The following ACAP1 variants were observed in gnomAD, a reference collection of about 807,000 sequenced individuals.
ACAP1 encodes the protein arf-GAP with coiled-coil, ANK repeat and PH domain-containing protein 1.
A neutral mutation model predicts 98.8 loss-of-function variants in ACAP1; 45 were observed. The ratio of observed to expected loss-of-function variants is 0.46; its 90% CI spans 0.36 to 0.58. ACAP1 has a LOEUF of 0.58. Ranked by LOEUF, ACAP1 falls within the 20% of genes least tolerant of loss-of-function variation. The pLI is 0.00. For missense variants in ACAP1, 735 were observed against 971.4 expected (o/e 0.76, Z 3.24); for synonymous variants, 362 against 375.3 (o/e 0.96, Z 0.41).
chr17:7,347,550 A>T (rs559286013), intron 14 of ACAP1: 1 of 506,416 alleles, frequency 2.0e-6, no homozygotes, highest in African/African-American at 1.9e-5. Context: ...TAGGCAGAGA[A>T]ACGGTCATGA....
chr17:7,347,643 A>C (rs1424958228), intron 14 of ACAP1: 2 of 564,264 alleles, frequency 3.5e-6, no homozygotes, highest in Admixed American at 6.2e-5. Context: ...GTCCAGGCCA[A>C]AGTGTCACAA....
Position 7,343,483 on chromosome 17 carries a change from A to T in ACAP1, c.449A>T (p.Gln150Leu), listed in dbSNP as rs1440662246. 1 of 1,614,126 alleles carries T rather than the reference A, an allele frequency of 6.2e-7. No individual in the cohort carries two copies. Among genetic ancestry groups the T allele is most frequent in the South Asian group, 1.1e-5 (1 of 91,078 alleles). Reference protein sequence around the residue: ...HNAEVPRRRAQEAEEAGAALR... With the variant: ...HNAEVPRRRALEAEEAGAALR... ...GCAGAGGTTCCCAGGCGCCGGGCCC[A>T]GGAGGCAGAAGAGGCAGGAGCTGCT... Residue 150 changes from glutamine to leucine, a missense_variant, in exon 6 of 22, where the codon CAG becomes CTG. This residue lies in a region of ACAP1 where 430 missense variants were observed against 531.8 expected (regional missense o/e 0.81). Coordinates refer to ENST00000158762, the MANE Select transcript of ACAP1 (RefSeq NM_014716.4). This position sits in a 1 kb window ranked among gnomAD's most constrained non-coding sequence, Gnocchi z 4.9.
intron 2 of ACAP1, among the ~76,000 whole-genome samples, chr17:7,340,720 C>A (rs190505896): frequency 6.6e-6 from 1 of 152,252 alleles, no homozygotes; most frequent in Admixed American, 6.5e-5. Flanking sequence ...GTGGCGGGCA[C>A]CTGTAATCCC....
intron 2 of ACAP1, among the ~76,000 whole-genome samples, chr17:7,341,267 T>C (rs954963514): frequency 3.9e-5 from 6 of 152,194 alleles, no homozygotes; most frequent in African/African-American, 1.2e-4. Flanking sequence ...CCTCCTGCCT[T>C]AGCCCCCCAG....
chr17:7,349,207 C>G, intron 18 of ACAP1, 40 bp downstream of exon 18: 4 of 1,606,910 alleles, frequency 2.5e-6, no homozygotes, highest in Non-Finnish European at 3.4e-6. Flanking sequence ...CCCTAGGGCT[C>G]TGACACCTAC....
intron 5 of ACAP1, 73 bp downstream of exon 5, chr17:7,342,547 C>CT: frequency 6.5e-7 from 1 of 1,530,674 alleles, no homozygotes; most frequent in Non-Finnish European, 9.0e-7. Context: ...GGGAGGATTG[C>CT]TTGAGCCCAG....
chr17:7,346,935 C>A lies in ACAP1; in HGVS notation c.1131+4C>A, dbSNP rs748077029. On this transcript the variant is annotated splice_donor_region_variant and intron_variant, in intron 13 of 21. Coordinates refer to ENST00000158762, the MANE Select transcript of ACAP1 (RefSeq NM_014716.4). The stretch of plus-strand genomic sequence containing the variant: ...CAGCCCCCGGGGTCCAGGCCAGGTA[C>A]CTTAACCTGGGGGTGCGGAGCCAGG... The A allele has an allele frequency of 6.8e-6, 11 of 1,608,584 alleles. No individual in the cohort carries two copies. The South Asian group carries it at 1.2e-4, about 18-fold the overall frequency.
rs1469512066 is a variant in ACAP1 at position 7,336,707 on chromosome 17, CCG to C, written c.-26_-25del. The C allele has an allele frequency of 6.2e-7, 1 of 1,613,662 alleles. No individual in the cohort carries two copies. Among genetic ancestry groups the C allele is most frequent in the South Asian group, 1.1e-5 (1 of 91,078 alleles). On this transcript the variant is annotated 5_prime_UTR_variant, in exon 1 of 22. Coordinates refer to ENST00000158762, the MANE Select transcript of ACAP1 (RefSeq NM_014716.4). ...TCCCCAGGGGCCCGGCCTCCAGGGCCCGCTGGCCCCACAGCAGGCAAGCTGAG... is the reference window on the plus strand; with the variant it reads ...TCCCCAGGGGCCCGGCCTCCAGGGCCCTGGCCCCACAGCAGGCAAGCTGAG...
chr17:7,348,330 C>T lies in ACAP1; in HGVS notation c.1533C>T (p.His511=), dbSNP rs141471782. 57 of 1,575,778 alleles carry T rather than the reference C, an allele frequency of 3.6e-5. No individual in the cohort carries two copies. The highest frequency in any genetic ancestry group is 1.8e-4 in the African/African-American group (13 of 73,410). The change falls in exon 17 of 22, where the codon CAC becomes CAT. Residue 511 remains histidine, a synonymous_variant. Transcript: ENST00000158762. The part of the protein sequence containing the change: ...CSRQEKEAWI[H]AKYVEKKFLT... ...GGCAGGAGAAGGAGGCCTGGATTCACGCTAAATACGTGGAGAAGAAGTTCC... is the reference window on the plus strand; with the variant it reads ...GGCAGGAGAAGGAGGCCTGGATTCATGCTAAATACGTGGAGAAGAAGTTCC...
rs750896166 is a variant in ACAP1, at chr17:7,351,290, C to G, written c.2123-5C>G. 2.5e-6 allele frequency: 4 copies of G among 1,611,082 alleles called. No homozygotes were observed. Among genetic ancestry groups the G allele is most frequent in the Non-Finnish European group, 2.5e-6 (3 of 1,178,012 alleles). The stretch of plus-strand genomic sequence containing the variant: ...CCGCCTCCCGGCCTTTCCTCCCTCC[C>G]CCAGGAGATGAGACGTATCTTGACA... On this transcript the variant is annotated splice_region_variant and splice_polypyrimidine_tract_variant and intron_variant, in intron 21 of 21. Coordinates refer to ENST00000158762, the MANE Select transcript of ACAP1 (RefSeq NM_014716.4).
In ACAP1 at chr17:7,346,929, C is replaced by A. The variant is rs1454278299; in HGVS notation, c.1129C>A (p.Gln377Lys). 5 of 1,610,104 alleles carry A rather than the reference C, an allele frequency of 3.1e-6. No individual in the cohort carries two copies. Among genetic ancestry groups the A allele is most frequent in the Non-Finnish European group, 4.2e-6 (5 of 1,177,084 alleles). The change falls in exon 13 of 22, where the codon CAG (glutamine) becomes AAG (lysine). Residue 377 changes from glutamine (Q) to lysine (K), a missense_variant and splice_region_variant. By Grantham distance (53) the Gln-to-Lys change is moderately conservative. Around this residue, in one of 5 missense-constraint regions of ACAP1, gnomAD observed 430 missense variants for 531.8 expected, o/e 0.81. Transcript: ENST00000158762. ...TGATGACAGCCCCCGGGGTCCAGGCCAGGTACCTTAACCTGGGGGTGCGGA... is the reference window on the plus strand; with the variant it reads ...TGATGACAGCCCCCGGGGTCCAGGCAAGGTACCTTAACCTGGGGGTGCGGA... ...RLDDSPRGPG[Q>K]GSGHLAIGSA...
In ACAP1 at chr17:7,349,646, ATT is replaced by A. The variant is rs539639834; in HGVS notation, c.1852-298_1852-297del. ...CGCCTCGGCCTCCCAAAGTGCTGGG[ATT>A]ACTGGCGTGAGCCACTGTGCCCGGC... On this transcript the variant is annotated intron_variant, in intron 18 of 21. Coordinates refer to ENST00000158762, the MANE Select transcript of ACAP1 (RefSeq NM_014716.4). 2.1e-4 allele frequency: 73 copies of A among 349,588 alleles called. No homozygotes were observed. In the South Asian group the frequency reaches 4.3e-3, roughly 20 times the overall value. 21.7% of individuals were successfully genotyped at this position (349,588 alleles called of 1,614,324 possible).
rs2073297479 is a variant in ACAP1 at position 7,342,593 on chromosome 17, G to A, written c.344+119G>A. The A allele has an allele frequency of 3.4e-6, 4 of 1,162,744 alleles. No individual in the cohort carries two copies. In the East Asian group the frequency reaches 1.0e-4, roughly 29 times the overall value. The allele number at this position is 1,162,744 out of a possible 1,614,324, so 72.0% of individuals were successfully genotyped here. On this transcript the variant is annotated intron_variant, in intron 5 of 21. Coordinates refer to ENST00000158762, the MANE Select transcript of ACAP1 (RefSeq NM_014716.4). ...CCAACCTAGCCAACATGGCGAAACTGTCTCCACAAAAAATACAAAAATTAG... is the reference window on the plus strand; with the variant it reads ...CCAACCTAGCCAACATGGCGAAACTATCTCCACAAAAAATACAAAAATTAG...
Position 7,343,341 on chromosome 17 carries a change from G to A in ACAP1, c.345-38G>A. 6.3e-7 allele frequency: 1 copy of A among 1,584,940 alleles called. No individual in the cohort carries two copies. The highest frequency in any genetic ancestry group is 1.3e-5 in the African/African-American group (1 of 74,438). On this transcript the variant is annotated intron_variant, in intron 5 of 21. Transcript: ENST00000158762. The surrounding 1 kb of genome is among the most constrained non-coding windows in gnomAD (Gnocchi z 4.9). The stretch of plus-strand genomic sequence containing the variant: ...GGGAATGCTCTGCTGGGGCAGGTGG[G>A]TGTTAGCTGCGATTCTGTGTTATTT...
intron 18 of ACAP1, chr17:7,349,379 CTTTT>C (rs1393015366): frequency 3.5e-4 from 136 of 388,216 alleles, no homozygotes; most frequent in Middle Eastern, 7.1e-4. Flanking sequence ...TTACAGGAGA[CTTTT>C]TTTTTTTTTT....
intron 2 of ACAP1, among the ~76,000 whole-genome samples, chr17:7,338,510 G>A (rs1000119126): frequency 2.0e-5 from 3 of 151,950 alleles, no homozygotes; most frequent in African/African-American, 7.3e-5. Context: ...TGATCTACCT[G>A]CCGCAGCCTC....
Position 7,350,764 on chromosome 17 carries a change from C to A in ACAP1, c.2073-186C>A, listed in dbSNP as rs1408138077. ...TAGCTGGGACTACAGGCGTGCGCCACCACCCCCGGCTAATTTTTTGTATTT... is the reference window on the plus strand; with the variant it reads ...TAGCTGGGACTACAGGCGTGCGCCAACACCCCCGGCTAATTTTTTGTATTT... On this transcript the variant is annotated intron_variant, in intron 20 of 21. Transcript: ENST00000158762. The surrounding 1 kb of genome is among the most constrained non-coding windows in gnomAD (Gnocchi z 4.6). 5.3e-6 allele frequency: 3 copies of A among 565,788 alleles called. No individual in the cohort carries two copies. In the South Asian group the frequency reaches 5.8e-5, roughly 11 times the overall value. 35.0% of individuals were successfully genotyped at this position (565,788 alleles called of 1,614,324 possible).
In ACAP1 at chr17:7,350,207, T is replaced by C. The variant is rs2073390027; in HGVS notation, c.2042T>C (p.Met681Thr). Residue 681 changes from methionine (M) to threonine (T), a missense_variant, in exon 20 of 22, where the codon ATG becomes ACG. Met to Thr is a moderately conservative substitution (Grantham distance 81). This residue lies in a region of ACAP1 where 142 missense variants were observed against 224.1 expected (regional missense o/e 0.63). Coordinates refer to ENST00000158762, the MANE Select transcript of ACAP1 (RefSeq NM_014716.4). This position sits in a 1 kb window ranked among gnomAD's most constrained non-coding sequence, Gnocchi z 4.6. ...GGCAGGGACCCTCTGACCATCGCCA[T>C]GGAAACAGCCAACGCTGACATCGTC... is the stretch of plus-strand genomic sequence containing the variant. ...SEGRDPLTIA[M>T]ETANADIVTL... The C allele has an allele frequency of 1.9e-6, 3 of 1,613,900 alleles. No individual in the cohort carries two copies. The highest frequency in any genetic ancestry group is 1.1e-5 in the South Asian group (1 of 91,076).
In ACAP1 at chr17:7,350,918, TGTC is replaced by T; in HGVS notation, c.2073-29_2073-27del. ...AGCCACCGCGCCCGGCCAAAGATAG[TGTC>T]GTTCATTTCTTAATTCCCTCCTCTT... On this transcript the variant is annotated intron_variant, in intron 20 of 21. Coordinates refer to ENST00000158762, the MANE Select transcript of ACAP1 (RefSeq NM_014716.4). The surrounding 1 kb of genome is among the most constrained non-coding windows in gnomAD (Gnocchi z 4.6). 6.2e-7 allele frequency: 1 copy of T among 1,613,110 alleles called. No homozygotes were observed. Among genetic ancestry groups the T allele is most frequent in the Non-Finnish European group, 8.5e-7 (1 of 1,179,198 alleles).
Sources: gnomAD v4.1 joint callset for allele counts (sites outside exome capture counted in the v4.1 genomes callset) on GRCh38, gnomAD v4.1.1 for gene constraint, gnomAD v4.1.1 regional missense constraint, Gnocchi (gnomAD v3.1) non-coding constraint, MANE v1.5 for transcripts, NCBI Gene and HGNC (gene_info 2026-07-23, HGNC 2026-07-21) for gene names.